TRIM59: variants seen among roughly 807,000 people sequenced by gnomAD.
TRIM59 encodes tripartite motif-containing protein 59.
In TRIM59, 14 loss-of-function variants were observed where a neutral mutation model predicts 32.2. That is an observed-to-expected ratio of 0.43 (90% confidence interval 0.29 to 0.68). The LOEUF (loss-of-function observed/expected upper bound fraction) is 0.68. TRIM59 is among the 30% of genes least tolerant of loss of function. The pLI, the probability that TRIM59 is intolerant of heterozygous loss-of-function variation, is 0.15. For missense variants in TRIM59, 471 were observed against 463.3 expected, an observed-to-expected ratio of 1.02 and a Z score of -0.15; for synonymous variants, 163 against 155.1, an observed-to-expected ratio of 1.05 and a Z score of -0.38.
Position 160,436,055 on chromosome 3 carries a change from C to T in TRIM59, c.*1917G>A. The T allele has an allele frequency of 1.7e-6, 2 of 1,177,650 alleles. No homozygotes were observed. Among genetic ancestry groups the T allele is most frequent in the Non-Finnish European group, 2.1e-6 (2 of 936,700 alleles). 73.0% of individuals were successfully genotyped at this position (1,177,650 alleles called of 1,614,324 possible). A position where few individuals can be genotyped will look rare whatever the true frequency, so the allele number is the denominator to read the frequency against. On this transcript the variant is annotated 3_prime_UTR_variant, in exon 3 of 3. Coordinates refer to ENST00000309784, the MANE Select transcript of TRIM59 (RefSeq NM_173084.3). ...TCAGTGCAACTTAGTATTTTTATCT[C>T]TAGCTGAGTATGTGTCTCTCCTTAC...
At chr3:160,449,551 C>T (rs1320204062) in intron 1 of TRIM59, 166 bp downstream of exon 1, 3 of 1,275,484 alleles carry the variant, frequency 2.4e-6, no homozygotes, top group Non-Finnish European at 3.1e-6. Flanking sequence ...TCCCCAAACT[C>T]CAGTATGGGA....
rs1164978810 is a variant in TRIM59, at chr3:160,437,011, AAAC to A, written c.*958_*960del. On this transcript the variant is annotated 3_prime_UTR_variant, in exon 3 of 3. Coordinates refer to ENST00000309784, the MANE Select transcript of TRIM59 (RefSeq NM_173084.3). ...TGATTTGACTGACGAGCAGAAAAAA[AAAC>A]AATCTTAAATTTGCACAAACTATAG... is the stretch of plus-strand genomic sequence containing the variant. 8.1e-6 allele frequency: 8 copies of A among 984,822 alleles called. No homozygotes were observed. Among genetic ancestry groups the A allele is most frequent in the African/African-American group, 1.8e-5 (1 of 57,072 alleles). The allele number at this position is 984,822 out of a possible 1,614,324, so 61.0% of individuals were successfully genotyped here.
In TRIM59 at chr3:160,436,152, T is replaced by C. The variant is rs1237679561; in HGVS notation, c.*1820A>G. The C allele has an allele frequency of 2.9e-6, 3 of 1,032,410 alleles. No homozygotes were observed. Among genetic ancestry groups the C allele is most frequent in the Admixed American group, 5.7e-5 (1 of 17,598 alleles). The allele number at this position is 1,032,410 out of a possible 1,614,324, so 64.0% of individuals were successfully genotyped here. A position where few individuals can be genotyped will look rare whatever the true frequency, so the allele number is the denominator to read the frequency against. Reference sequence around the variant, plus strand: ...GTGCTAGGTATAAGTCTGATTCTAATAATAAATTGATATAATACAGTCATC... The same window carrying C: ...GTGCTAGGTATAAGTCTGATTCTAACAATAAATTGATATAATACAGTCATC... On this transcript the variant is annotated 3_prime_UTR_variant, in exon 3 of 3. Transcript: ENST00000309784.
In TRIM59 at chr3:160,449,749, G is replaced by T. The variant is rs541187342; in HGVS notation, c.-106C>A. 7.8e-7 allele frequency: 1 copy of T among 1,288,002 alleles called. No homozygotes were observed. 79.8% of individuals were successfully genotyped at this position (1,288,002 alleles called of 1,614,324 possible). A position where few individuals can be genotyped will look rare whatever the true frequency, so the allele number is the denominator to read the frequency against. On this transcript the variant is annotated 5_prime_UTR_variant, in exon 1 of 3. It adds an upstream start codon to the 5' untranslated region. Coordinates refer to ENST00000309784, the MANE Select transcript of TRIM59 (RefSeq NM_173084.3). ...AGGAAGCGGACCAGGCAACTCCACA[G>T]CACGGAAACACAGCGCCACGAGCTC...
In TRIM59 at chr3:160,449,712, C is replaced by T; in HGVS notation, c.-74+5G>A. The T allele has an allele frequency of 7.8e-7, 1 of 1,288,752 alleles. No individual in the cohort carries two copies. The highest frequency in any genetic ancestry group is 2.1e-4 in the Middle Eastern group (1 of 4,696). The allele number at this position is 1,288,752 out of a possible 1,614,324, so 79.8% of individuals were successfully genotyped here. A position where few individuals can be genotyped will look rare whatever the true frequency, so the allele number is the denominator to read the frequency against. On this transcript the variant is annotated splice_donor_5th_base_variant and intron_variant, in intron 1 of 2. Coordinates refer to ENST00000309784, the MANE Select transcript of TRIM59 (RefSeq NM_173084.3). ...CTCCGCATCCGTAAAGGTCCTTAGA[C>T]TCACCGCGGGGAGGAAGCGGACCAG... is the stretch of plus-strand genomic sequence containing the variant.
In TRIM59 at chr3:160,438,345, CGAG is replaced by C. The variant is rs1719081569; in HGVS notation, c.836_838del (p.Pro279del). 8.7e-6 allele frequency: 14 copies of C among 1,613,304 alleles called. No homozygotes were observed. The highest frequency in any genetic ancestry group is 1.7e-5 in the Admixed American group (1 of 59,948). On this transcript the variant is annotated inframe_deletion, in exon 3 of 3. Transcript: ENST00000309784. Reference sequence around the variant, plus strand: ...TTCTTCTTTCAATATTTTGCTTACTCGAGGATAAATTTCAACGGGTTGAACCTC... The same window carrying C: ...TTCTTCTTTCAATATTTTGCTTACTCGATAAATTTCAACGGGTTGAACCTC...
chr3:160,439,941 T>C (rs1719157740), intron 2 of TRIM59, among the ~76,000 whole-genome samples: 1 of 152,166 alleles, frequency 6.6e-6, no homozygotes, highest in Non-Finnish European at 1.5e-5. Flanking sequence ...CAAGCACATA[T>C]AATGAGTAGA....
In TRIM59 at chr3:160,438,150, AT is replaced by A; in HGVS notation, c.1033del (p.Ile345TyrfsTer9). The A allele has an allele frequency of 6.2e-7, 1 of 1,611,758 alleles. No individual in the cohort carries two copies. ...TATGATGTGTTGGTTGAAAAAGAGTATCGACATCAGTATTACTGAAATTAAT... is the reference window on the plus strand; with the variant it reads ...TATGATGTGTTGGTTGAAAAAGAGTACGACATCAGTATTACTGAAATTAAT... ...VTLISVILMSILFFNQHIITF... is the reference protein window; with the variant it reads ...VTLISVILMSXLFFNQHIITF... On this transcript the variant is annotated frameshift_variant, in exon 3 of 3. Coordinates refer to ENST00000309784, the MANE Select transcript of TRIM59 (RefSeq NM_173084.3). LOFTEE classifies it high-confidence loss of function.
At chr3:160,446,716 GC>G (rs1291181674) in intron 2 of TRIM59, among the ~76,000 whole-genome samples, 2 of 152,152 alleles carry the variant, frequency 1.3e-5, no homozygotes, top group Non-Finnish European at 2.9e-5. Flanking sequence ...ATGGTGGCGG[GC>G]AAGCCCACCT....
chr3:160,438,365 T>C lies in TRIM59; in HGVS notation c.819A>G (p.Gln273=), dbSNP rs1719082925. 6.2e-7 allele frequency: 1 copy of C among 1,613,808 alleles called. No individual in the cohort carries two copies. Among genetic ancestry groups the C allele is most frequent in the South Asian group, 1.1e-5 (1 of 91,002 alleles). ...TTACTCGAGGATAAATTTCAACGGG[T>C]TGAACCTCAGGAAGTGGTCTTTGTT... ...ILKQRPLPEV[Q]PVEIYPRVSK... The change falls in exon 3 of 3, where the codon CAA becomes CAG. Residue 273 remains glutamine (Q), a synonymous_variant. Coordinates refer to ENST00000309784, the MANE Select transcript of TRIM59 (RefSeq NM_173084.3).
Position 160,436,990 on chromosome 3 carries a change from T to A in TRIM59, c.*982A>T. On this transcript the variant is annotated 3_prime_UTR_variant, in exon 3 of 3. Transcript: ENST00000309784. ...ATGAGTTTTTAATCCAAGAACTGAT[T>A]TGACTGACGAGCAGAAAAAAAAACA... The A allele has an allele frequency of 1.0e-6, 1 of 985,140 alleles. No homozygotes were observed. The highest frequency in any genetic ancestry group is 1.2e-6 in the Non-Finnish European group (1 of 829,880). 61.0% of individuals were successfully genotyped at this position (985,140 alleles called of 1,614,324 possible).
At chr3:160,442,021 ATG>A (rs1719279392) in intron 2 of TRIM59, among the ~76,000 whole-genome samples, 1 of 152,200 alleles carries the variant, frequency 6.6e-6, no homozygotes, top group African/African-American at 2.4e-5. Context: ...AGAAAAACAA[ATG>A]TGTTTTTCAG....
Position 160,438,710 on chromosome 3 carries a change from T to C in TRIM59, c.474A>G (p.Thr158=). ...LLEQLTDTHW[T]DLTHLIEKLK... is the part of the protein sequence containing the mutation. ...GCTTTTCAATAAGATGGGTAAGATC[T>C]GTCCAGTGTGTGTCAGTCAACTGTT... Residue 158 remains threonine, a synonymous_variant, in exon 3 of 3, where the codon ACA becomes ACG. Coordinates refer to ENST00000309784, the MANE Select transcript of TRIM59 (RefSeq NM_173084.3). 1.9e-6 allele frequency: 3 copies of C among 1,614,052 alleles called. No homozygotes were observed. Among genetic ancestry groups the C allele is most frequent in the Non-Finnish European group, 2.5e-6 (3 of 1,179,994 alleles).
Position 160,436,505 on chromosome 3 carries a change from A to T in TRIM59, c.*1467T>A, listed in dbSNP as rs1405750009. On this transcript the variant is annotated 3_prime_UTR_variant, in exon 3 of 3. Coordinates refer to ENST00000309784, the MANE Select transcript of TRIM59 (RefSeq NM_173084.3). ...CCCTCTTAAGCAAAGCTAATAAAAG[A>T]TTAAGTTGTTGGGCCGGGCGTGGCG... 1.0e-6 allele frequency: 1 copy of T among 985,814 alleles called. No individual in the cohort carries two copies. The highest frequency in any genetic ancestry group is 1.1e-4 in the East Asian group (1 of 8,816). 61.1% of individuals were successfully genotyped at this position (985,814 alleles called of 1,614,324 possible). A position where few individuals can be genotyped will look rare whatever the true frequency, so the allele number is the denominator to read the frequency against.
chr3:160,445,113 G>GA (rs1027885214), intron 2 of TRIM59, among the ~76,000 whole-genome samples: 15 of 151,396 alleles, frequency 9.9e-5, no homozygotes, highest in African/African-American at 2.2e-4. Flanking sequence ...AGGAAAAGTG[G>GA]AAAAAAAAGA....
At chr3:160,442,848 T>C (rs1253310812) in intron 2 of TRIM59, among the ~76,000 whole-genome samples, 1 of 152,214 alleles carries the variant, frequency 6.6e-6, no homozygotes, top group African/African-American at 2.4e-5. Flanking sequence ...CCAGGTGCAG[T>C]GGTTCACACC....
In TRIM59 at chr3:160,437,681, A is replaced by G; in HGVS notation, c.*291T>C. 9.5e-7 allele frequency: 1 copy of G among 1,053,888 alleles called. No individual in the cohort carries two copies. The highest frequency in any genetic ancestry group is 4.4e-5 in the South Asian group (1 of 22,620). The allele number at this position is 1,053,888 out of a possible 1,614,324, so 65.3% of individuals were successfully genotyped here. ...AATAATGGTAAAAGACAATATTGGTACAAGAATGTTTAAATGTCACAGCAA... is the reference window on the plus strand; with the variant it reads ...AATAATGGTAAAAGACAATATTGGTGCAAGAATGTTTAAATGTCACAGCAA... On this transcript the variant is annotated 3_prime_UTR_variant, in exon 3 of 3. Transcript: ENST00000309784.
chr3:160,436,786 A>C lies in TRIM59; in HGVS notation c.*1186T>G, dbSNP rs113061399. ...GCACTCCAGCCTGGGCGACAGAGCA[A>C]GACTCCGTCTCAAAAAAAAAAAAAA... On this transcript the variant is annotated 3_prime_UTR_variant, in exon 3 of 3. Coordinates refer to ENST00000309784, the MANE Select transcript of TRIM59 (RefSeq NM_173084.3). 9.3e-3 allele frequency: 8,427 copies of C among 901,534 alleles called. 382 individuals carry two copies. In the African/African-American group the frequency reaches 0.11, roughly 12 times the overall value. 55.8% of individuals were successfully genotyped at this position (901,534 alleles called of 1,614,324 possible).
chr3:160,437,742 G>A lies in TRIM59; in HGVS notation c.*230C>T. Reference sequence around the variant, plus strand: ...ACCATCATAAAGCCAATAAAAATGGGATAGTGTATTACTTTTCAAATTGTT... The same window carrying A: ...ACCATCATAAAGCCAATAAAAATGGAATAGTGTATTACTTTTCAAATTGTT... On this transcript the variant is annotated 3_prime_UTR_variant, in exon 3 of 3. Coordinates refer to ENST00000309784, the MANE Select transcript of TRIM59 (RefSeq NM_173084.3). 1 of 1,173,550 alleles carries A rather than the reference G, an allele frequency of 8.5e-7. No individual in the cohort carries two copies. Among genetic ancestry groups the A allele is most frequent in the Non-Finnish European group, 1.0e-6 (1 of 952,422 alleles). 72.7% of individuals were successfully genotyped at this position (1,173,550 alleles called of 1,614,324 possible).
Sources: gnomAD v4.1 joint callset for allele counts (sites outside exome capture counted in the v4.1 genomes callset) on GRCh38, gnomAD v4.1.1 for gene constraint, MANE v1.5 for transcripts, NCBI Gene and HGNC (gene_info 2026-07-23, HGNC 2026-07-21) for gene names.